Variants in HERC1 observed in about 807,000 individuals in gnomAD.
HERC1 encodes probable E3 ubiquitin-protein ligase HERC1.
A neutral mutation model predicts 554.3 loss-of-function variants in HERC1; 160 were observed. The ratio of observed to expected loss-of-function variants is 0.29; its 90% CI spans 0.25 to 0.33. The LOEUF is 0.33. Ranked by LOEUF, HERC1 falls within the 10% of genes least tolerant of loss-of-function variation. HERC1 has a pLI of 1.00. For missense variants in HERC1, 4,919 were observed against 5,918.5 expected, an observed-to-expected ratio of 0.83 and a Z score of 5.54; for synonymous variants, 2,175 against 2,131.7, an observed-to-expected ratio of 1.02 and a Z score of -0.56.
In HERC1 at chr15:63,659,838, T is replaced by C. The variant is rs2070258371; in HGVS notation, c.9322A>G (p.Ile3108Val). 9 of 1,613,844 alleles carry C rather than the reference T, an allele frequency of 5.6e-6. No homozygotes were observed. The highest frequency in any genetic ancestry group is 5.9e-6 in the Non-Finnish European group (7 of 1,179,842). ...AGPLGLNDRR[I>V]VPEPVQFPDS... Reference sequence around the variant, plus strand: ...GGGAACTGAACTGGTTCTGGTACAATGCGCCGGTCATTTAAACCAAGCGGT... The same window carrying C: ...GGGAACTGAACTGGTTCTGGTACAACGCGCCGGTCATTTAAACCAAGCGGT... The change falls in exon 47 of 78, where the codon ATT becomes GTT. Residue 3108 changes from isoleucine (I) to valine (V), a missense_variant. Physicochemically the swap from Ile to Val is conservative, Grantham distance 29. Coordinates refer to ENST00000443617, the MANE Select transcript of HERC1 (RefSeq NM_003922.4).
chr15:63,829,561 G>GTGTGTGTATATATATATATATATA (rs1220043639), intron 1 of HERC1, among the ~76,000 whole-genome samples: 4 of 81,730 alleles, frequency 4.9e-5, no homozygotes, highest in South Asian at 3.8e-4. Context: ...GTGTGTGTGT[G>GTGTGTGTATATATATATATATATA]TATATATATA....
intron 19 of HERC1, among the ~76,000 whole-genome samples, chr15:63,720,382 G>C (rs2073767485): frequency 1.3e-5 from 2 of 152,000 alleles, no homozygotes; most frequent in Non-Finnish European, 2.9e-5. Context: ...TGCTCCCAGA[G>C]GGACTGCTAG....
chr15:63,654,530 A>G (rs2152903721), intron 50 of HERC1, among the ~76,000 whole-genome samples: 1 of 152,278 alleles, frequency 6.6e-6, no homozygotes, highest in Non-Finnish European at 1.5e-5. Context: ...TCTCACATCA[A>G]ATTCTGTAAG....
chr15:63,665,722 C>A (rs1036299530), intron 42 of HERC1, among the ~76,000 whole-genome samples, 197 bp downstream of exon 42: 4 of 152,140 alleles, frequency 2.6e-5, no homozygotes, highest in Non-Finnish European at 5.9e-5. Flanking sequence ...CATGAAAACA[C>A]CTACTCAAAT....
chr15:63,698,949 G>A lies in HERC1; in HGVS notation c.4684C>T (p.Leu1562=). The A allele has an allele frequency of 9.9e-6, 16 of 1,613,826 alleles. No individual in the cohort carries two copies. The highest frequency in any genetic ancestry group is 1.4e-5 in the Non-Finnish European group (16 of 1,179,744). Residue 1562 remains leucine (L), a synonymous_variant, in exon 26 of 78, where the codon CTG becomes TTG. Coordinates refer to ENST00000443617, the MANE Select transcript of HERC1 (RefSeq NM_003922.4). ...CATAACCAGTCTCTGCTATGTTTCA[G>A]GCGAGCCCAAGAGTCACTCAGGGAT... ...LESLSDSWAR[L]KHSRDWLCNS... is the part of the protein sequence containing the mutation.
intron 34 of HERC1, among the ~76,000 whole-genome samples, chr15:63,682,508 C>T (rs1024656852): frequency 1.3e-5 from 2 of 152,154 alleles, no homozygotes; most frequent in Admixed American, 1.3e-4. Context: ...CAGGGGCTCA[C>T]ACCTGTAATC....
At chr15:63,695,383 C>CATTT (rs1567023180) in intron 27 of HERC1, among the ~76,000 whole-genome samples, 2 of 103,306 alleles carry the variant, frequency 1.9e-5, no homozygotes, top group Non-Finnish European at 4.0e-5. Flanking sequence ...TCTGTATAAT[C>CATTT]TTTTTTTTTT....
intron 34 of HERC1, among the ~76,000 whole-genome samples, chr15:63,685,815 G>A (rs958074967): frequency 1.3e-5 from 2 of 152,174 alleles, no homozygotes; most frequent in African/African-American, 4.8e-5. Flanking sequence ...TGGCTGGCAT[G>A]GGGGAACTTG....
intron 47 of HERC1, 34 bp from the exon 48 acceptor site, chr15:63,658,752 G>A (rs1488213187): frequency 2.6e-6 from 4 of 1,549,420 alleles, no homozygotes; most frequent in Middle Eastern, 1.7e-4. Context: ...TTCTCAACAA[G>A]GTAAGAAAAA....
intron 3 of HERC1, among the ~76,000 whole-genome samples, chr15:63,760,968 T>C (rs1037706209): frequency 6.6e-6 from 1 of 152,096 alleles, no homozygotes; most frequent in Non-Finnish European, 1.5e-5. Flanking sequence ...GAAAATCAGA[T>C]TACCTTTGGA....
At chr15:63,795,457 T>C (rs1323258542) in intron 1 of HERC1, among the ~76,000 whole-genome samples, 11 of 152,156 alleles carry the variant, frequency 7.2e-5, no homozygotes, top group Admixed American at 7.2e-4. Context: ...CAGTTTAATA[T>C]AAGAAAATTA....
chr15:63,737,487 TATATATAC>T lies in HERC1; in HGVS notation c.2521-2646_2521-2639del, dbSNP rs369423501. ...TATATATATCTTTTTTCCAGATATA[TATATATAC>T]ATATATATATCTTTTTTCCAGATAT... is the stretch of plus-strand genomic sequence containing the variant. On this transcript the variant is annotated intron_variant, in intron 12 of 77. Coordinates refer to ENST00000443617, the MANE Select transcript of HERC1 (RefSeq NM_003922.4). 4.3e-3 allele frequency among the ~76,000 whole-genome samples: 379 copies of T among 87,394 alleles called. 38 individuals carry two copies. The highest frequency in any genetic ancestry group is 0.013 in the Middle Eastern group (2 of 150). 57.3% of individuals were successfully genotyped at this position (87,394 alleles called of 152,430 possible).
At position 63,775,239 on chromosome 15, in the gene HERC1, G is replaced by T; in HGVS notation, c.385C>A (p.Gln129Lys). The change falls in exon 2 of 78, where the codon CAG (glutamine) becomes AAG (lysine). Residue 129 changes from glutamine to lysine, a missense_variant. Gln to Lys is a moderately conservative substitution (Grantham distance 53). Transcript: ENST00000443617. This position sits in a 1 kb window ranked among gnomAD's most constrained non-coding sequence, Gnocchi z 4.0. ...NKYHDKGKVK[Q>K]QQHSPESSSG... Reference sequence around the variant, plus strand: ...CTGCTCTCCGGAGAATGCTGCTGCTGCTTCACCTTGCCTTTGTCATGGTAT... The same window carrying T: ...CTGCTCTCCGGAGAATGCTGCTGCTTCTTCACCTTGCCTTTGTCATGGTAT... 1 of 1,614,046 alleles carries T rather than the reference G, an allele frequency of 6.2e-7. No homozygotes were observed. The highest frequency in any genetic ancestry group is 8.5e-7 in the Non-Finnish European group (1 of 1,179,896).
Position 63,662,139 on chromosome 15 carries a change from T to C in HERC1, c.8902-118A>G, listed in dbSNP as rs529424105. ...CATATGCTAGAATATTTCCAACATG[T>C]TCATTAATGCTAAATAAAAAATTTC... On this transcript the variant is annotated intron_variant, in intron 44 of 77. Coordinates refer to ENST00000443617, the MANE Select transcript of HERC1 (RefSeq NM_003922.4). 9.3e-6 allele frequency: 10 copies of C among 1,080,606 alleles called. No homozygotes were observed. In the South Asian group the frequency reaches 1.3e-4, roughly 14 times the overall value. 66.9% of individuals were successfully genotyped at this position (1,080,606 alleles called of 1,614,324 possible). A position where few individuals can be genotyped will look rare whatever the true frequency, so the allele number is the denominator to read the frequency against.
At chr15:63,795,065 C>CAAAAA (rs1177647525) in intron 1 of HERC1, among the ~76,000 whole-genome samples, 21 of 68,898 alleles carry the variant, frequency 3.0e-4, no homozygotes, top group African/African-American at 4.4e-4. Flanking sequence ...GACTCTGTCT[C>CAAAAA]AAAAAAAAAA....
intron 1 of HERC1, among the ~76,000 whole-genome samples, chr15:63,779,319 T>C (rs2076210816): frequency 1.3e-5 from 2 of 152,106 alleles, no homozygotes; most frequent in African/African-American, 4.8e-5. Flanking sequence ...GAAAAACTAT[T>C]ATATTTCAAA....
chr15:63,720,884 G>C (rs1480946815), intron 19 of HERC1, among the ~76,000 whole-genome samples: 1 of 152,054 alleles, frequency 6.6e-6, no homozygotes, highest in Non-Finnish European at 1.5e-5. Context: ...TAAAATAATG[G>C]GTTCCTTTAA....
intron 1 of HERC1, among the ~76,000 whole-genome samples, chr15:63,825,771 T>C (rs2145904899): frequency 1.3e-5 from 2 of 152,086 alleles, no homozygotes; most frequent in Admixed American, 1.3e-4. Context: ...AATAATAATT[T>C]TTTTTTTTTT....
rs1031229236 is a variant in HERC1, at chr15:63,669,623, T to C, written c.8121A>G (p.Leu2707=). The C allele has an allele frequency of 1.2e-6, 2 of 1,613,880 alleles. No homozygotes were observed. Among genetic ancestry groups the C allele is most frequent in the African/African-American group, 2.7e-5 (2 of 75,052 alleles). ...RRAQTPPISS[L]PTSPSDEVGR... is the part of the protein sequence containing the mutation. ...CTACTTCATCAGAAGGAGAGGTTGG[T>C]AACGAAGATATTGGAGGAGTCTGTG... Residue 2707 remains leucine, a synonymous_variant, in exon 40 of 78, where the codon TTA becomes TTG. Coordinates refer to ENST00000443617, the MANE Select transcript of HERC1 (RefSeq NM_003922.4).
Sources: gnomAD v4.1 joint callset for allele counts (sites outside exome capture counted in the v4.1 genomes callset) on GRCh38, gnomAD v4.1.1 for gene constraint, Gnocchi (gnomAD v3.1) non-coding constraint, MANE v1.5 for transcripts, NCBI Gene and HGNC (gene_info 2026-07-23, HGNC 2026-07-21) for gene names.